The following ARID3A variants were observed in gnomAD, a reference collection of about 807,000 sequenced individuals.
ARID3A encodes the protein AT-rich interactive domain-containing protein 3A.
A neutral mutation model predicts 52.7 loss-of-function variants in ARID3A; 11 were observed. That is an observed-to-expected ratio of 0.21 (90% CI 0.13 to 0.35). The LOEUF (loss-of-function observed/expected upper bound fraction) is 0.35, where lower values mean the gene tolerates loss of function less well. Ranked by LOEUF, ARID3A falls within the 10% of genes least tolerant of loss-of-function variation. The pLI, the probability that ARID3A is intolerant of heterozygous loss-of-function variation, is 1.00. For synonymous variants in ARID3A, 404 were observed against 359.4 expected (o/e 1.12, Z -1.40); for missense variants, 721 against 838.5 (o/e 0.86, Z 1.73).
Position 964,206 on chromosome 19 carries a change from T to A in ARID3A, c.767-42T>A. On this transcript the variant is annotated intron_variant, in intron 4 of 8. Coordinates refer to ENST00000263620, the MANE Select transcript of ARID3A (RefSeq NM_005224.3). The surrounding 1 kb of genome is among the most constrained non-coding windows in gnomAD (Gnocchi z 5.7). ...GGCCAGGACACTCGGCTCCCTGCAG[T>A]GCCCAGGTGGCCCCCAACCTCCCTC... is the stretch of plus-strand genomic sequence containing the variant. The A allele has an allele frequency of 6.4e-7, 1 of 1,553,442 alleles. No homozygotes were observed. The highest frequency in any genetic ancestry group is 2.0e-4 in the Middle Eastern group (1 of 4,974).
Position 964,551 on chromosome 19 carries a change from G to T in ARID3A, c.950+120G>T. 1 of 1,347,052 alleles carries T rather than the reference G, an allele frequency of 7.4e-7. No individual in the cohort carries two copies. The highest frequency in any genetic ancestry group is 2.4e-5 in the Admixed American group (1 of 41,980). 83.4% of individuals were successfully genotyped at this position (1,347,052 alleles called of 1,614,324 possible). ...GCAGAGGAGGGGGCAGTGGGCAGCC[G>T]CAAAGGGCACAGGGCCACACCGTGC... is the stretch of plus-strand genomic sequence containing the variant. On this transcript the variant is annotated intron_variant, in intron 5 of 8. Coordinates refer to ENST00000263620, the MANE Select transcript of ARID3A (RefSeq NM_005224.3). The surrounding 1 kb of genome is among the most constrained non-coding windows in gnomAD (Gnocchi z 5.7).
Position 972,852 on chromosome 19 carries a change from A to G in ARID3A, c.*787A>G, listed in dbSNP as rs1410074452. 1 of 183,140 alleles carries G rather than the reference A, an allele frequency of 5.5e-6. No individual in the cohort carries two copies. The highest frequency in any genetic ancestry group is 1.1e-5 in the Non-Finnish European group (1 of 90,084). 11.3% of individuals were successfully genotyped at this position (183,140 alleles called of 1,614,324 possible). A position where few individuals can be genotyped will look rare whatever the true frequency, so the allele number is the denominator to read the frequency against. ...AAAAACTCACCTTTTTATTTTTCCC[A>G]TGACCAATTTGGGTCCCTTTGTCCA... On this transcript the variant is annotated 3_prime_UTR_variant, in exon 9 of 9. Transcript: ENST00000263620.
intron 3 of ARID3A, among the ~76,000 whole-genome samples, chr19:946,294 C>T (rs1294865775): frequency 6.6e-6 from 1 of 152,062 alleles, no homozygotes; most frequent in African/African-American, 2.4e-5. Context: ...CAGAGTCTTG[C>T]TTTGTCACCC....
At chr19:934,775 T>C (rs2037405753) in intron 3 of ARID3A, among the ~76,000 whole-genome samples, 1 of 151,978 alleles carries the variant, frequency 6.6e-6, no homozygotes, top group South Asian at 2.1e-4. Context: ...TGCAGTCCTG[T>C]GACTTTTTTT....
rs571112292 is a variant in ARID3A at position 941,153 on chromosome 19, G to T, written c.693+8411G>T. Among the ~76,000 whole-genome samples, 16 of 152,344 alleles carry T rather than the reference G, an allele frequency of 1.1e-4. No individual in the cohort carries two copies. The highest frequency in any genetic ancestry group is 3.1e-4 in the African/African-American group (13 of 41,588). ...CCCCATGCTTTCTAATAACACACGC[G>T]GCAGCCCGAGGGAGCGGTGCCCGCA... On this transcript the variant is annotated intron_variant, in intron 3 of 8. Transcript: ENST00000263620. The surrounding 1 kb of genome is among the most constrained non-coding windows in gnomAD (Gnocchi z 6.9).
intron 3 of ARID3A, among the ~76,000 whole-genome samples, chr19:934,403 G>T (rs996720418): frequency 3.3e-5 from 5 of 152,250 alleles, no homozygotes; most frequent in African/African-American, 1.2e-4. Context: ...AGCATGTCCT[G>T]AGCGAAGGCA....
chr19:930,898 G>A (rs1455044473), intron 2 of ARID3A, among the ~76,000 whole-genome samples: 2 of 152,262 alleles, frequency 1.3e-5, no homozygotes, highest in Non-Finnish European at 1.5e-5. Flanking sequence ...ATCTGCAGCC[G>A]GCTGGACCTG....
At position 966,554 on chromosome 19, in the gene ARID3A, C is replaced by A; in HGVS notation, c.1199-18C>A. The A allele has an allele frequency of 6.6e-7, 1 of 1,512,132 alleles. No individual in the cohort carries two copies. Among genetic ancestry groups the A allele is most frequent in the Non-Finnish European group, 8.9e-7 (1 of 1,128,250 alleles). The allele number at this position is 1,512,132 out of a possible 1,614,324, so 93.7% of individuals were successfully genotyped here. A position where few individuals can be genotyped will look rare whatever the true frequency, so the allele number is the denominator to read the frequency against. On this transcript the variant is annotated intron_variant, in intron 6 of 8. Coordinates refer to ENST00000263620, the MANE Select transcript of ARID3A (RefSeq NM_005224.3). ...CCCAGCCCCTCCTGGCCACCAATTC[C>A]CCTTTTTTCCTACCTAGAGGAGGAC... is the stretch of plus-strand genomic sequence containing the variant.
chr19:974,176 A>G lies in ARID3A; in HGVS notation c.*2111A>G. 4.5e-6 allele frequency: 1 copy of G among 221,796 alleles called. No homozygotes were observed. Among genetic ancestry groups the G allele is most frequent in the East Asian group, 6.5e-5 (1 of 15,336 alleles). 13.7% of individuals were successfully genotyped at this position (221,796 alleles called of 1,614,324 possible). On this transcript the variant is annotated 3_prime_UTR_variant, in exon 9 of 9. Coordinates refer to ENST00000263620, the MANE Select transcript of ARID3A (RefSeq NM_005224.3). ...GGGGGGCTTCTGAGCCCCTGAGTCT[A>G]GGTTCACTTTCCCGTCGGGCTGTGG...
intron 3 of ARID3A, among the ~76,000 whole-genome samples, chr19:953,744 G>A (rs1210492075): frequency 1.3e-5 from 2 of 152,150 alleles, no homozygotes; most frequent in Non-Finnish European, 2.9e-5. Context: ...ACAGCGCCGC[G>A]GAGGCCCTGG....
intron 3 of ARID3A, among the ~76,000 whole-genome samples, chr19:949,249 G>A (rs1431090891): frequency 2.6e-5 from 4 of 152,262 alleles, no homozygotes; most frequent in East Asian, 1.9e-4. Flanking sequence ...TCCCAGCGGC[G>A]GCGTGGGTGC....
intron 3 of ARID3A, among the ~76,000 whole-genome samples, chr19:937,999 C>A (rs563221668): frequency 6.6e-6 from 1 of 152,132 alleles, no homozygotes; most frequent in African/African-American, 2.4e-5. Flanking sequence ...TGAGCCACTG[C>A]GCCCGGCTAA....
chr19:956,115 T>C (rs1438845705), intron 3 of ARID3A, among the ~76,000 whole-genome samples: 1 of 152,060 alleles, frequency 6.6e-6, no homozygotes, highest in Non-Finnish European at 1.5e-5. Context: ...CCAAATAACG[T>C]CTCGTTCTGA....
chr19:931,059 C>T (rs184468212), intron 2 of ARID3A, among the ~76,000 whole-genome samples: 66 of 151,836 alleles, frequency 4.3e-4, no homozygotes, highest in African/African-American at 1.4e-3. Context: ...TTTGGGAGGC[C>T]GAGGTGGGAG....
chr19:931,155 G>A (rs903668670), intron 2 of ARID3A, among the ~76,000 whole-genome samples: 1 of 152,076 alleles, frequency 6.6e-6, no homozygotes, highest in African/African-American at 2.4e-5. Context: ...TTAGTCGGGT[G>A]TTGTGGCATG....
At chr19:958,128 A>T (rs1022955298) in intron 3 of ARID3A, 5 of 74,422 alleles carry the variant, frequency 6.7e-5, no homozygotes, top group Non-Finnish European at 1.4e-4. Context: ...ATAATAATAA[A>T]AATTAAAATT....
intron 3 of ARID3A, among the ~76,000 whole-genome samples, chr19:933,684 G>A (rs758412714): frequency 2.6e-5 from 4 of 152,246 alleles, no homozygotes; most frequent in South Asian, 4.1e-4. Flanking sequence ...GGGCCTCCCC[G>A]GGGCTCCTGA....
In ARID3A at chr19:929,440, C is replaced by CCAA; in HGVS notation, c.-88_-87insAAC. 3 of 1,268,224 alleles carry CCAA rather than the reference C, an allele frequency of 2.4e-6. No homozygotes were observed. Among genetic ancestry groups the CCAA allele is most frequent in the Non-Finnish European group, 3.0e-6 (3 of 999,506 alleles). The allele number at this position is 1,268,224 out of a possible 1,614,324, so 78.6% of individuals were successfully genotyped here. ...CCCACGCTGCAGTGCGGCCGGGCCC[C>CCAA]CTCCCCGCAGGGGCCGCCCCCGCCG... On this transcript the variant is annotated 5_prime_UTR_variant, in exon 2 of 9. Coordinates refer to ENST00000263620, the MANE Select transcript of ARID3A (RefSeq NM_005224.3). The surrounding 1 kb of genome is among the most constrained non-coding windows in gnomAD (Gnocchi z 6.2).
At chr19:931,256 T>C (rs2145350669) in intron 2 of ARID3A, among the ~76,000 whole-genome samples, 1 of 152,052 alleles carries the variant, frequency 6.6e-6, no homozygotes, top group South Asian at 2.1e-4. Flanking sequence ...ATCACACCAC[T>C]GCACTCCAGC....
Sources: allele counts gnomAD v4.1 joint callset (sites outside exome capture counted in the v4.1 genomes callset), GRCh38; gene constraint gnomAD v4.1.1; non-coding constraint Gnocchi (gnomAD v3.1); transcripts MANE v1.5; gene names NCBI Gene and HGNC (gene_info 2026-07-23, HGNC 2026-07-21).